PTPRB: variants seen among roughly 807,000 people sequenced by gnomAD.
PTPRB encodes receptor-type tyrosine-protein phosphatase beta.
In PTPRB, 97 loss-of-function variants were observed where a neutral mutation model predicts 238.1. That is an observed-to-expected ratio of 0.41 (90% CI 0.35 to 0.48). The LOEUF (loss-of-function observed/expected upper bound fraction) is 0.48. PTPRB is among the 20% of genes least tolerant of loss of function. PTPRB has a pLI of 0.30. For synonymous variants in PTPRB, 970 were observed against 995.4 expected (o/e 0.97, Z 0.48); for missense variants, 2,292 against 2,681.9 (o/e 0.85, Z 3.21).
At chr12:70,624,585 C>T (rs1370216365) in intron 2 of PTPRB, among the ~76,000 whole-genome samples, 4 of 152,140 alleles carry the variant, frequency 2.6e-5, no homozygotes, top group South Asian at 2.1e-4. Flanking sequence ...GGTGCTTGAA[C>T]GTTCCCTTAA....
intron 33 of PTPRB, among the ~76,000 whole-genome samples, chr12:70,524,254 T>G (rs1396641179): frequency 6.6e-6 from 1 of 151,564 alleles, no homozygotes; most frequent in East Asian, 1.9e-4. Context: ...ACTACGGGCA[T>G]GCACCATGAT....
At chr12:70,619,157 AGTGTGTGT>A (rs3049143) in intron 3 of PTPRB, among the ~76,000 whole-genome samples, 26 of 142,120 alleles carry the variant, frequency 1.8e-4, no homozygotes, top group African/African-American at 2.9e-4. Context: ...TGTTTAGGGG[AGTGTGTGT>A]GTGTGTGTGT....
At position 70,559,547 on chromosome 12, in the gene PTPRB, C is replaced by G. The variant is rs1592472983; in HGVS notation, c.4510G>C (p.Asp1504His). Residue 1504 changes from aspartate to histidine, a missense_variant, in exon 18 of 34, where the codon GAC becomes CAC. Transcript: ENST00000334414. ...TCAAAGTCGTTGTAGTCTGTCCAGT[C>G]TGGGGGCCCTTTCCACGTGATGGCC... ...SLAITWKGPP[D>H]WTDYNDFELQ... 6.2e-7 allele frequency: 1 copy of G among 1,613,890 alleles called. No homozygotes were observed.
chr12:70,580,576 T>C (rs2136419731), intron 10 of PTPRB, among the ~76,000 whole-genome samples: 1 of 152,208 alleles, frequency 6.6e-6, no homozygotes, highest in Non-Finnish European at 1.5e-5. Flanking sequence ...TCCCAGAACT[T>C]TGGGAGGCCG....
At chr12:70,602,919 A>G (rs998717189) in intron 4 of PTPRB, among the ~76,000 whole-genome samples, 7 of 152,232 alleles carry the variant, frequency 4.6e-5, no homozygotes, top group Non-Finnish European at 8.8e-5. Flanking sequence ...ACACATTCAT[A>G]CATATAGAAT....
At chr12:70,626,370 C>G (rs867638807) in intron 2 of PTPRB, among the ~76,000 whole-genome samples, 2 of 68,072 alleles carry the variant, frequency 2.9e-5, no homozygotes, top group African/African-American at 1.7e-4. Flanking sequence ...TATCTATATT[C>G]CTGCCTGCCT....
chr12:70,597,750 A>G (rs1413329611), intron 4 of PTPRB, among the ~76,000 whole-genome samples: 1 of 152,176 alleles, frequency 6.6e-6, no homozygotes, highest in Non-Finnish European at 1.5e-5. Context: ...TAACCTTCTT[A>G]TATGTTTTAA....
chr12:70,565,075 T>TAAAG (rs929273868), intron 15 of PTPRB, among the ~76,000 whole-genome samples: 1 of 152,090 alleles, frequency 6.6e-6, no homozygotes, highest in African/African-American at 2.4e-5. Context: ...CTTCTGTATA[T>TAAAG]CCAGCAGTTA....
At chr12:70,565,181 A>G (rs960433250) in intron 15 of PTPRB, among the ~76,000 whole-genome samples, 35 of 152,128 alleles carry the variant, frequency 2.3e-4, no homozygotes, top group African/African-American at 6.5e-4. Flanking sequence ...CCATTCCCCC[A>G]TTGCTATCTG....
At chr12:70,632,350 G>A (rs924274783) in intron 2 of PTPRB, among the ~76,000 whole-genome samples, 4 of 151,976 alleles carry the variant, frequency 2.6e-5, no homozygotes, top group African/African-American at 9.7e-5. Context: ...AACACCGCGT[G>A]TACCACTCAT....
intron 33 of PTPRB, 29 bp from the exon 34 acceptor site, chr12:70,521,540 C>T (rs759310997): frequency 1.3e-6 from 2 of 1,522,532 alleles, no homozygotes; most frequent in Non-Finnish European, 1.8e-6. Flanking sequence ...TAATTAGAGA[C>T]TGCCGCAGGG....
At chr12:70,588,294 GGC>G (rs1882144386) in intron 8 of PTPRB, among the ~76,000 whole-genome samples, 1 of 152,088 alleles carries the variant, frequency 6.6e-6, no homozygotes, top group African/African-American at 2.4e-5. Flanking sequence ...TTTACATCGA[GGC>G]CTACTTCAAG....
rs1007379748 is a variant in PTPRB, at chr12:70,516,020, C to T, written c.*5469G>A. The T allele has an allele frequency of 1.3e-5, 2 of 151,760 alleles. No homozygotes were observed. Among genetic ancestry groups the T allele is most frequent in the Non-Finnish European group, 2.9e-5 (2 of 67,948 alleles). 9.4% of individuals were successfully genotyped at this position (151,760 alleles called of 1,614,324 possible). On this transcript the variant is annotated 3_prime_UTR_variant, in exon 34 of 34. Transcript: ENST00000334414. ...ACTAAGGAAGTTCTTTGTTCAAATA[C>T]AGTTAGTTAGAAATATTGTGGGTAG...
chr12:70,629,013 T>G (rs1484982893), intron 2 of PTPRB, among the ~76,000 whole-genome samples: 2 of 152,214 alleles, frequency 1.3e-5, no homozygotes, highest in Admixed American at 6.5e-5. Context: ...TTTCCTTTAC[T>G]GTTCTGACAG....
At chr12:70,624,303 C>T (rs531483947) in intron 2 of PTPRB, among the ~76,000 whole-genome samples, 2 of 152,186 alleles carry the variant, frequency 1.3e-5, no homozygotes, top group African/African-American at 4.8e-5. Context: ...CCGAGTGCTG[C>T]GTATATTATC....
At chr12:70,545,946 G>A (rs1332192831) in intron 21 of PTPRB, among the ~76,000 whole-genome samples, 1 of 152,154 alleles carries the variant, frequency 6.6e-6, no homozygotes, top group African/African-American at 2.4e-5. Context: ...AGATCAGCCT[G>A]GCCAACGTGG....
At position 70,594,713 on chromosome 12, in the gene PTPRB, C is replaced by T; in HGVS notation, c.1270G>A (p.Val424Met). The T allele has an allele frequency of 6.2e-7, 1 of 1,613,950 alleles. No homozygotes were observed. Among genetic ancestry groups the T allele is most frequent in the South Asian group, 1.1e-5 (1 of 91,078 alleles). ...TTTGTGGAAATACCAATATCTTTCA[C>T]TGGAGATGGCACTAGTGGGATAAAA... Reference protein sequence around the residue: ...YTNGSTVPSPVKDIGISTKAN... With the variant: ...YTNGSTVPSPMKDIGISTKAN... The change falls in exon 6 of 34, where the codon GTG (valine) becomes ATG (methionine). Residue 424 changes from valine to methionine, a missense_variant. Around this residue, in one of 4 missense-constraint regions of PTPRB, gnomAD observed 1,205 missense variants for 1,287.8 expected, o/e 0.94. Transcript: ENST00000334414.
At chr12:70,566,061 A>G (rs1561797) in intron 15 of PTPRB, among the ~76,000 whole-genome samples, 41,207 of 151,916 alleles carry the variant, frequency 0.27, 5,664 homozygotes, top group Admixed American at 0.34. Context: ...CTCCCTCTAA[A>G]GTGTCTACAA....
rs1326981981 is a variant in PTPRB at position 70,516,972 on chromosome 12, GTCA to G, written c.*4514_*4516del. ...TTATTCCGAGGGAGCCTCCCTACAAGTCAAGAGTATTCTCTTAGCCAGAAATAC... is the reference window on the plus strand; with the variant it reads ...TTATTCCGAGGGAGCCTCCCTACAAGAGAGTATTCTCTTAGCCAGAAATAC... On this transcript the variant is annotated 3_prime_UTR_variant, in exon 34 of 34. Transcript: ENST00000334414. 2 of 152,142 alleles carry G rather than the reference GTCA, an allele frequency of 1.3e-5. No homozygotes were observed. The highest frequency in any genetic ancestry group is 3.8e-4 in the East Asian group (2 of 5,196). 9.4% of individuals were successfully genotyped at this position (152,142 alleles called of 1,614,324 possible).
Sources: gnomAD v4.1 joint callset for allele counts (sites outside exome capture counted in the v4.1 genomes callset) on GRCh38, gnomAD v4.1.1 for gene constraint, gnomAD v4.1.1 regional missense constraint, MANE v1.5 for transcripts, NCBI Gene and HGNC (gene_info 2026-07-23, HGNC 2026-07-21) for gene names.